Variants in CDH13 observed in about 807,000 individuals in gnomAD.
CDH13 encodes cadherin 13.
CDH13 carries 24 observed loss-of-function variants against 63.8 expected under a neutral mutation model. That is an observed-to-expected ratio of 0.38 (90% CI 0.27 to 0.53). CDH13 has a LOEUF of 0.53. CDH13 is among the 20% of genes least tolerant of loss of function. CDH13 has a pLI of 0.85. For missense variants in CDH13, 1,049 were observed against 903.1 expected, an observed-to-expected ratio of 1.16 and a Z score of -2.07; for synonymous variants, 503 against 355.3, an observed-to-expected ratio of 1.42 and a Z score of -4.67.
chr16:83,469,262 C>G (rs2073394956), intron 6 of CDH13, among the ~76,000 whole-genome samples: 1 of 152,098 alleles, frequency 6.6e-6, no homozygotes, highest in Admixed American at 6.6e-5. Flanking sequence ...TCAGTGTGTC[C>G]AGTCTTATAG....
intron 5 of CDH13, among the ~76,000 whole-genome samples, chr16:83,253,781 CATT>C (rs1453619604): frequency 2.0e-5 from 3 of 152,326 alleles, no homozygotes; most frequent in Non-Finnish European, 2.9e-5. Context: ...TTAGATTTGT[CATT>C]ATGTACACAC....
At chr16:83,058,432 C>G (rs1371718176) in intron 3 of CDH13, among the ~76,000 whole-genome samples, 7 of 152,130 alleles carry the variant, frequency 4.6e-5, no homozygotes, top group African/African-American at 1.7e-4. Context: ...ATGGGGGTAC[C>G]AAATAATTCA....
intron 1 of CDH13, among the ~76,000 whole-genome samples, chr16:82,785,626 C>T (rs533302417): frequency 6.6e-6 from 1 of 152,216 alleles, no homozygotes; most frequent in Non-Finnish European, 1.5e-5. Flanking sequence ...TCTTGTATTC[C>T]ATTCTAGAGA....
intron 10 of CDH13, among the ~76,000 whole-genome samples, chr16:83,743,671 A>T (rs1374671976): frequency 6.7e-6 from 1 of 149,886 alleles, no homozygotes; most frequent in African/African-American, 2.4e-5. Context: ...CATTATTTCA[A>T]ATATGTTGAA....
intron 7 of CDH13, among the ~76,000 whole-genome samples, chr16:83,512,976 C>A (rs1195344919): frequency 1.3e-5 from 2 of 151,276 alleles, no homozygotes; most frequent in African/African-American, 2.4e-5. Flanking sequence ...TGGTCCTGGG[C>A]AGTCAGCTAA....
At chr16:82,703,384 G>A (rs1245040420) in intron 1 of CDH13, among the ~76,000 whole-genome samples, 4 of 152,042 alleles carry the variant, frequency 2.6e-5, no homozygotes, top group South Asian at 2.1e-4. Context: ...CTGGAGCATG[G>A]CAGGCCAGAA....
chr16:82,894,467 C>T (rs899987357), intron 2 of CDH13, among the ~76,000 whole-genome samples: 4 of 152,050 alleles, frequency 2.6e-5, no homozygotes, highest in East Asian at 3.9e-4. Flanking sequence ...AATGGTGAAA[C>T]GTCATCTCTA....
At chr16:82,991,200 C>A (rs1431715125) in intron 2 of CDH13, among the ~76,000 whole-genome samples, 1 of 152,158 alleles carries the variant, frequency 6.6e-6, no homozygotes, top group East Asian at 1.9e-4. Flanking sequence ...ACATGTCTAC[C>A]AAGAGTGCAT....
chr16:82,697,200 A>G (rs988318677), intron 1 of CDH13, among the ~76,000 whole-genome samples: 4 of 152,112 alleles, frequency 2.6e-5, no homozygotes, highest in Non-Finnish European at 5.9e-5. Context: ...TAATTTGTGG[A>G]TATATTTCAA....
chr16:82,953,024 T>G (rs1356765099), intron 2 of CDH13, among the ~76,000 whole-genome samples: 2 of 152,200 alleles, frequency 1.3e-5, no homozygotes, highest in Non-Finnish European at 2.9e-5. Flanking sequence ...CAAGTGCCAT[T>G]TGTTTTAAGC....
chr16:82,970,249 G>A (rs938720015), intron 2 of CDH13, among the ~76,000 whole-genome samples: 18 of 152,258 alleles, frequency 1.2e-4, no homozygotes, highest in African/African-American at 4.3e-4. Context: ...TCCTGCAAAA[G>A]ACAGGAACTC....
chr16:83,523,238 A>G (rs2151622182), intron 7 of CDH13, among the ~76,000 whole-genome samples: 1 of 152,320 alleles, frequency 6.6e-6, no homozygotes, highest in African/African-American at 2.4e-5. Flanking sequence ...TAGCTGTAGC[A>G]CTTAGCATTG....
chr16:83,014,746 ATATAT>A (rs1567745482), intron 2 of CDH13, among the ~76,000 whole-genome samples: 2,151 of 30,952 alleles, frequency 0.069, 57 homozygotes, highest in East Asian at 0.12. Flanking sequence ...AAAAAAAAAT[ATATAT>A]ATATATATAT....
intron 3 of CDH13, among the ~76,000 whole-genome samples, chr16:83,036,252 T>G (rs975996193): frequency 6.6e-6 from 1 of 150,542 alleles, no homozygotes; most frequent in Non-Finnish European, 1.5e-5. Context: ...TGGGTTCAAG[T>G]GATTCTCCTG....
At chr16:83,210,598 C>G (rs1437141983) in intron 4 of CDH13, among the ~76,000 whole-genome samples, 1 of 151,984 alleles carries the variant, frequency 6.6e-6, no homozygotes, top group Non-Finnish European at 1.5e-5. Flanking sequence ...GACAAAGTAG[C>G]TACTTGAGAT....
At chr16:82,967,070 C>T (rs946039491) in intron 2 of CDH13, among the ~76,000 whole-genome samples, 3 of 152,090 alleles carry the variant, frequency 2.0e-5, no homozygotes, top group Admixed American at 2.0e-4. Flanking sequence ...TTCTGTCTTT[C>T]GTGACCATGA....
intron 1 of CDH13, among the ~76,000 whole-genome samples, chr16:82,700,156 A>G (rs1398143135): frequency 1.3e-5 from 2 of 152,258 alleles, no homozygotes; most frequent in East Asian, 3.8e-4. Flanking sequence ...GGGATCATTT[A>G]GGTTAAAGAA....
At chr16:82,772,600 T>C (rs1170775095) in intron 1 of CDH13, among the ~76,000 whole-genome samples, 1 of 152,218 alleles carries the variant, frequency 6.6e-6, no homozygotes, top group African/African-American at 2.4e-5. Context: ...ACTAAGCTAC[T>C]GAATACTTGC....
At chr16:83,517,041 G>A (rs567733523) in intron 7 of CDH13, among the ~76,000 whole-genome samples, 19 of 152,320 alleles carry the variant, frequency 1.2e-4, no homozygotes, top group African/African-American at 2.9e-4. Flanking sequence ...ATTGACTGTC[G>A]TGTTTTCCCA....
Sources: allele counts gnomAD v4.1 joint callset (sites outside exome capture counted in the v4.1 genomes callset), GRCh38; gene constraint gnomAD v4.1.1; transcripts MANE v1.5; gene names NCBI Gene and HGNC (gene_info 2026-07-23, HGNC 2026-07-21).